DEK: variants seen among roughly 807,000 people sequenced by gnomAD.
The protein encoded by DEK is DEK proto-oncogene.
Under a neutral mutation model 46.8 loss-of-function variants are expected in DEK, and 28 were observed. The observed-to-expected ratio is 0.60, with a 90% CI of 0.44 to 0.82. The LOEUF is 0.82. Among genes scored for constraint, DEK ranks in the 40% least tolerant of loss-of-function variants. The pLI, the probability that DEK is intolerant of heterozygous loss-of-function variation, is 0.00. For synonymous variants in DEK, 160 were observed against 144.5 expected, an observed-to-expected ratio of 1.11 and a Z score of -0.77; for missense variants, 416 against 430.6, an observed-to-expected ratio of 0.97 and a Z score of 0.30.
intron 7 of DEK, chr6:18,244,554 A>C: frequency 7.8e-7 from 1 of 1,289,230 alleles, no homozygotes; most frequent in Non-Finnish European, 1.0e-6. Context: ...TCTCCAAAAA[A>C]GACGCCTGTC....
rs13218059 is a variant in DEK, at chr6:18,259,629, C to T, written c.146-1224G>A. On this transcript the variant is annotated intron_variant, in intron 2 of 10. Transcript: ENST00000652689. The stretch of plus-strand genomic sequence containing the variant: ...GGGGATAAATGGATGATAAAAACTG[C>T]GTATCTTTTGAAAAAGATGCTACTA... Among the ~76,000 whole-genome samples the T allele has an allele frequency of 9.8e-3, 1,484 of 151,930 alleles. 21 individuals are homozygous for T. The highest frequency in any genetic ancestry group is 0.031 in the Middle Eastern group (9 of 294).
At chr6:18,242,740 T>C (rs574044791) in intron 7 of DEK, among the ~76,000 whole-genome samples, 13 of 152,284 alleles carry the variant, frequency 8.5e-5, no homozygotes, top group African/African-American at 3.1e-4. Context: ...AGTAGTAATG[T>C]TGGCAATTCA....
rs761534604 is a variant in DEK, at chr6:18,255,715, AAAAATT to A, written c.573+10_573+15del. ...TGAATAACTGATTTATGAAAAAAAT[AAAAATT>A]GATCCTCACTTTGCCAGAAGGCTTT... On this transcript the variant is annotated intron_variant, in intron 6 of 10. Transcript: ENST00000652689. The A allele has an allele frequency of 2.5e-6, 4 of 1,581,264 alleles. No individual in the cohort carries two copies. The Admixed American group carries it at 6.0e-5, about 24-fold the overall frequency.
At chr6:18,233,311 A>G (rs1408995596) in intron 9 of DEK, among the ~76,000 whole-genome samples, 1 of 152,194 alleles carries the variant, frequency 6.6e-6, no homozygotes, top group Non-Finnish European at 1.5e-5. Flanking sequence ...CATGTCTAAA[A>G]CACCAAAAGC....
intron 7 of DEK, among the ~76,000 whole-genome samples, chr6:18,245,018 C>T (rs142855494): frequency 2.9e-4 from 44 of 152,328 alleles, no homozygotes; most frequent in African/African-American, 1.0e-3. Context: ...GAACCACCCA[C>T]TTTTGATCTG....
At chr6:18,248,901 T>C (rs1329519883) in intron 7 of DEK, among the ~76,000 whole-genome samples, 1 of 152,176 alleles carries the variant, frequency 6.6e-6, no homozygotes, top group South Asian at 2.1e-4. Context: ...TAAGGCAAGG[T>C]TGATTACCCA....
chr6:18,230,127 C>T (rs214498), intron 9 of DEK, among the ~76,000 whole-genome samples: 75,007 of 151,784 alleles, frequency 0.49, 19,097 homozygotes, highest in African/African-American at 0.63. Flanking sequence ...CCAGCTAAAC[C>T]AAGCTTCATA....
At position 18,252,509 on chromosome 6, in the gene DEK, C is replaced by CAAAAAAAAA. The variant is rs61626818; in HGVS notation, c.574-2679_574-2671dup. Reference sequence around the variant, plus strand: ...AGGCAACAGAGTAAAACGCTGTCTCCAAAAAAAAAAAAAAAAAAAAAAAAA... The same window carrying CAAAAAAAAA: ...AGGCAACAGAGTAAAACGCTGTCTCCAAAAAAAAAAAAAAAAAAAAAAAAAAAAAAAAAA... On this transcript the variant is annotated intron_variant, in intron 6 of 10. Transcript: ENST00000652689. 1.9e-3 allele frequency among the ~76,000 whole-genome samples: 54 copies of CAAAAAAAAA among 29,132 alleles called. 1 individual carries two copies. Among genetic ancestry groups the CAAAAAAAAA allele is most frequent in the Non-Finnish European group, 2.2e-3 (34 of 15,534 alleles). 19.1% of individuals were successfully genotyped at this position (29,132 alleles called of 152,430 possible).
intron 9 of DEK, among the ~76,000 whole-genome samples, chr6:18,232,965 T>G (rs1790474972): frequency 6.6e-6 from 1 of 152,170 alleles, no homozygotes; most frequent in Admixed American, 6.5e-5. Flanking sequence ...AAGGCTACAG[T>G]AACCAAAACA....
chr6:18,224,247 T>TAG lies in DEK; in HGVS notation c.*1470_*1471dup, dbSNP rs1790011022. On this transcript the variant is annotated 3_prime_UTR_variant, in exon 11 of 11. Transcript: ENST00000652689. ...ATATTTAAAATCGAAGGCCAATTAT[T>TAG]AGGTCTCATTTAGTTGCTTATTTTG... 5.5e-6 allele frequency: 1 copy of TAG among 180,414 alleles called. No homozygotes were observed. Among genetic ancestry groups the TAG allele is most frequent in the African/African-American group, 2.4e-5 (1 of 42,430 alleles). 11.2% of individuals were successfully genotyped at this position (180,414 alleles called of 1,614,324 possible).
chr6:18,255,448 C>G (rs1791557777), intron 6 of DEK, among the ~76,000 whole-genome samples: 1 of 152,202 alleles, frequency 6.6e-6, no homozygotes, highest in South Asian at 2.1e-4. Flanking sequence ...CCAGTGTCTT[C>G]TAGATACCTA....
intron 7 of DEK, among the ~76,000 whole-genome samples, chr6:18,242,853 G>A (rs1040191642): frequency 6.6e-6 from 1 of 152,114 alleles, no homozygotes; most frequent in African/African-American, 2.4e-5. Context: ...TCTATAGTAA[G>A]AACAAATCTT....
Position 18,225,589 on chromosome 6 carries a change from G to A in DEK, c.*130C>T. ...TTCACATAACACTCAAGATAAAAAGGTCAGCAGTAAGTTCTACTAACGTTG... is the reference window on the plus strand; with the variant it reads ...TTCACATAACACTCAAGATAAAAAGATCAGCAGTAAGTTCTACTAACGTTG... On this transcript the variant is annotated 3_prime_UTR_variant, in exon 11 of 11. Coordinates refer to ENST00000652689, the MANE Select transcript of DEK (RefSeq NM_003472.4). The A allele has an allele frequency of 3.2e-6, 3 of 950,404 alleles. No individual in the cohort carries two copies. Among genetic ancestry groups the A allele is most frequent in the South Asian group, 4.4e-5 (2 of 45,448 alleles). The allele number at this position is 950,404 out of a possible 1,614,324, so 58.9% of individuals were successfully genotyped here. A position where few individuals can be genotyped will look rare whatever the true frequency, so the allele number is the denominator to read the frequency against.
In DEK at chr6:18,241,810, T is replaced by C. The variant is rs992539548; in HGVS notation, c.763-4294A>G. On this transcript the variant is annotated intron_variant, in intron 7 of 10. Transcript: ENST00000652689. Reference sequence around the variant, plus strand: ...AACCATTCTGAGCTTGAGGGCTGTATAAAAACAGGCTGTAGGCTGGACTTG... The same window carrying C: ...AACCATTCTGAGCTTGAGGGCTGTACAAAAACAGGCTGTAGGCTGGACTTG... Among the ~76,000 whole-genome samples, 9 of 152,324 alleles carry C rather than the reference T, an allele frequency of 5.9e-5. No homozygotes were observed. In the South Asian group the frequency reaches 1.4e-3, roughly 25 times the overall value.
At chr6:18,235,795 TG>T (rs973142111) in intron 9 of DEK, among the ~76,000 whole-genome samples, 52 of 152,222 alleles carry the variant, frequency 3.4e-4, no homozygotes, top group African/African-American at 1.2e-3. Flanking sequence ...AGCTTCTACC[TG>T]TAACATTTAG....
At chr6:18,239,174 T>G (rs554276839) in intron 7 of DEK, among the ~76,000 whole-genome samples, 1 of 152,030 alleles carries the variant, frequency 6.6e-6, no homozygotes, top group Non-Finnish European at 1.5e-5. Context: ...TCCACTCACT[T>G]TGGTCTCTCA....
At position 18,264,015 on chromosome 6, in the gene DEK, C is replaced by A; in HGVS notation, c.-9-19G>T. 6.3e-7 allele frequency: 1 copy of A among 1,583,604 alleles called. No homozygotes were observed. The highest frequency in any genetic ancestry group is 8.6e-7 in the Non-Finnish European group (1 of 1,165,122). ...TGTGAACCTGCATGCGGGAAGAAAGCCGGACGTCTCGGTCCTCCTACTCCC... is the reference window on the plus strand; with the variant it reads ...TGTGAACCTGCATGCGGGAAGAAAGACGGACGTCTCGGTCCTCCTACTCCC... On this transcript the variant is annotated intron_variant, in intron 1 of 10. Coordinates refer to ENST00000652689, the MANE Select transcript of DEK (RefSeq NM_003472.4).
intron 7 of DEK, among the ~76,000 whole-genome samples, chr6:18,239,032 C>G (rs986118079): frequency 6.6e-6 from 1 of 152,092 alleles, no homozygotes; most frequent in Non-Finnish European, 1.5e-5. Flanking sequence ...TCAAGTGATT[C>G]TCCTGCCTCA....
chr6:18,249,455 T>G (rs1171863814), intron 7 of DEK, among the ~76,000 whole-genome samples, 196 bp downstream of exon 7: 4 of 152,190 alleles, frequency 2.6e-5, no homozygotes, highest in Non-Finnish European at 5.9e-5. Flanking sequence ...CTCACTCTTT[T>G]CTGACTCATA....
Sources: gnomAD v4.1 joint callset for allele counts (sites outside exome capture counted in the v4.1 genomes callset) on GRCh38, gnomAD v4.1.1 for gene constraint, MANE v1.5 for transcripts, NCBI Gene and HGNC (gene_info 2026-07-23, HGNC 2026-07-21) for gene names.